ADAMTS17: variants seen among roughly 807,000 people sequenced by gnomAD.
ADAMTS17 encodes A disintegrin and metalloproteinase with thrombospondin motifs 17.
A neutral mutation model predicts 141.5 loss-of-function variants in ADAMTS17; 113 were observed. That is an observed-to-expected ratio of 0.80 (90% CI 0.69 to 0.93). The LOEUF (loss-of-function observed/expected upper bound fraction) is 0.93. ADAMTS17 is among the 40% of genes least tolerant of loss of function. ADAMTS17 has a pLI of 0.00. For synonymous variants in ADAMTS17, 768 were observed against 630.6 expected, an observed-to-expected ratio of 1.22 and a Z score of -3.27; for missense variants, 1,659 against 1,517.9, an observed-to-expected ratio of 1.09 and a Z score of -1.54.
chr15:100,083,240 C>T (rs925732515), intron 15 of ADAMTS17, among the ~76,000 whole-genome samples: 7 of 152,162 alleles, frequency 4.6e-5, no homozygotes, highest in African/African-American at 1.4e-4. Flanking sequence ...TCTCTGCCAG[C>T]CTAGTTCCAG....
At chr15:100,145,527 T>G (rs1468248694) in intron 10 of ADAMTS17, among the ~76,000 whole-genome samples, 1 of 152,352 alleles carries the variant, frequency 6.6e-6, no homozygotes, top group East Asian at 1.9e-4. Flanking sequence ...ACGACACCAC[T>G]GGTGTGACTG....
intron 6 of ADAMTS17, chr15:100,257,023 C>T (rs935865302): frequency 6.6e-6 from 1 of 152,380 alleles, no homozygotes; most frequent in East Asian, 1.9e-4. Flanking sequence ...CACCTAGCCA[C>T]CTGTTTGTCA....
chr15:100,051,758 A>G, intron 16 of ADAMTS17, 27 bp from the exon 17 acceptor site: 2 of 1,614,094 alleles, frequency 1.2e-6, no homozygotes, highest in Non-Finnish European at 1.7e-6. Context: ...ACAAAAGGCC[A>G]TTTTGAAAAG....
intron 9 of ADAMTS17, among the ~76,000 whole-genome samples, chr15:100,154,307 T>G (rs2039328658): frequency 6.6e-6 from 1 of 152,318 alleles, no homozygotes; most frequent in East Asian, 1.9e-4. Flanking sequence ...GGAAGTAGAC[T>G]ACATTAAAAG....
intron 2 of ADAMTS17, 134 bp from the exon 3 acceptor site, chr15:100,331,188 G>T: frequency 8.8e-7 from 1 of 1,141,320 alleles, no homozygotes; most frequent in Non-Finnish European, 1.3e-6. Context: ...TTTGCAGATT[G>T]GTCAGATTTA....
chr15:100,002,600 CAG>C (rs1567664520), intron 18 of ADAMTS17, among the ~76,000 whole-genome samples: 2 of 152,058 alleles, frequency 1.3e-5, no homozygotes, highest in African/African-American at 4.8e-5. Context: ...TGCGGGGAAA[CAG>C]AGTCAAGAGG....
chr15:100,141,220 C>T (rs2038633575), intron 10 of ADAMTS17, among the ~76,000 whole-genome samples: 1 of 152,234 alleles, frequency 6.6e-6, no homozygotes, highest in African/African-American at 2.4e-5. Context: ...GCATGCATCC[C>T]TGGAGCGCTG....
At chr15:100,138,747 A>G (rs759727642) in intron 10 of ADAMTS17, among the ~76,000 whole-genome samples, 12 of 152,230 alleles carry the variant, frequency 7.9e-5, no homozygotes, top group Non-Finnish European at 1.5e-4. Flanking sequence ...AACAGAACAC[A>G]TGCCATGTAG....
intron 20 of ADAMTS17, among the ~76,000 whole-genome samples, chr15:99,992,528 C>T (rs1235847141): frequency 6.6e-6 from 1 of 152,196 alleles, no homozygotes; most frequent in Non-Finnish European, 1.5e-5. Context: ...CCTGGAGAAA[C>T]ATTCAGTGGC....
intron 7 of ADAMTS17, among the ~76,000 whole-genome samples, chr15:100,200,749 A>G (rs2041298405): frequency 6.6e-6 from 1 of 152,152 alleles, no homozygotes. Context: ...CGTCAACTCC[A>G]TGCCCTGGAT....
chr15:100,212,395 G>A (rs1448288347), intron 7 of ADAMTS17, among the ~76,000 whole-genome samples: 5 of 152,134 alleles, frequency 3.3e-5, no homozygotes, highest in Non-Finnish European at 7.3e-5. Flanking sequence ...CAAAGTCCAG[G>A]GAGTTTCCTT....
chr15:100,240,038 C>T (rs996551957), intron 7 of ADAMTS17, among the ~76,000 whole-genome samples: 4 of 152,174 alleles, frequency 2.6e-5, no homozygotes, highest in Non-Finnish European at 4.4e-5. Context: ...CCAGGCTGTG[C>T]GGCAGATCAG....
chr15:100,179,524 T>C (rs2040452401), intron 8 of ADAMTS17, among the ~76,000 whole-genome samples: 1 of 152,228 alleles, frequency 6.6e-6, no homozygotes, highest in Non-Finnish European at 1.5e-5. Flanking sequence ...CAGATATCTC[T>C]TTGATATACT....
At chr15:100,004,461 T>G (rs2060996014) in intron 18 of ADAMTS17, among the ~76,000 whole-genome samples, 1 of 152,146 alleles carries the variant, frequency 6.6e-6, no homozygotes, top group South Asian at 2.1e-4. Context: ...ATCCAGTAAT[T>G]TGGGAAAGGA....
At chr15:100,201,001 G>A (rs2041310449) in intron 7 of ADAMTS17, among the ~76,000 whole-genome samples, 1 of 152,220 alleles carries the variant, frequency 6.6e-6, no homozygotes, top group African/African-American at 2.4e-5. Context: ...GGAAGGAGTT[G>A]GCAGAGGGCA....
intron 8 of ADAMTS17, among the ~76,000 whole-genome samples, chr15:100,197,343 T>C (rs1409582565): frequency 1.3e-5 from 2 of 152,214 alleles, no homozygotes; most frequent in Non-Finnish European, 2.9e-5. Context: ...AACTCGGGTG[T>C]TGGTAAGTAC....
chr15:100,186,265 G>A (rs77631982), intron 8 of ADAMTS17, among the ~76,000 whole-genome samples: 15,136 of 152,212 alleles, frequency 0.099, 888 homozygotes, highest in East Asian at 0.29. Context: ...AAGCTGTAAG[G>A]CACATGGCGA....
intron 3 of ADAMTS17, among the ~76,000 whole-genome samples, chr15:100,324,150 C>G (rs181025781): frequency 6.6e-6 from 1 of 151,940 alleles, no homozygotes; most frequent in Non-Finnish European, 1.5e-5. Context: ...ACTAAAAGTA[C>G]AGAAATCAGT....
chr15:100,328,574 A>G (rs1033812834), intron 3 of ADAMTS17, among the ~76,000 whole-genome samples: 1 of 152,294 alleles, frequency 6.6e-6, no homozygotes, highest in Middle Eastern at 3.4e-3. Flanking sequence ...TTCTCCCTAC[A>G]GTCTTGCGTG....
Sources: gnomAD v4.1 joint callset for allele counts (sites outside exome capture counted in the v4.1 genomes callset) on GRCh38, gnomAD v4.1.1 for gene constraint, MANE v1.5 for transcripts, NCBI Gene and HGNC (gene_info 2026-07-23, HGNC 2026-07-21) for gene names.